GLDC: variants seen among roughly 807,000 people sequenced by gnomAD.
The protein encoded by GLDC is glycine decarboxylase, also known as glycine dehydrogenase (decarboxylating), mitochondrial.
A neutral mutation model predicts 121.3 loss-of-function variants in GLDC; 104 were observed. The ratio of observed to expected loss-of-function variants is 0.86; its 90% CI spans 0.73 to 1.01. The LOEUF (loss-of-function observed/expected upper bound fraction) is 1.01, where lower values mean the gene tolerates loss of function less well. Ranked by LOEUF, GLDC falls within the 50% of genes least tolerant of loss-of-function variation. The pLI is 0.00. For missense variants in GLDC, 1,429 were observed against 1,306.6 expected (o/e 1.09, Z -1.44); for synonymous variants, 546 against 480.6 (o/e 1.14, Z -1.78).
chr9:6,589,060 G>A (rs915484900), intron 12 of GLDC, 135 bp downstream of exon 12: 1 of 740,638 alleles, frequency 1.4e-6, no homozygotes, highest in Non-Finnish European at 2.5e-6. Flanking sequence ...ATCGTTATGA[G>A]GATGAAATAC....
At chr9:6,587,078 G>A in intron 15 of GLDC, 63 bp downstream of exon 15, 1 of 1,373,096 alleles carries the variant, frequency 7.3e-7, no homozygotes, top group Non-Finnish European at 1.0e-6. Flanking sequence ...AAGCCTTTAA[G>A]TTTTGTGGTG....
chr9:6,594,125 C>T (rs890817375), intron 9 of GLDC, among the ~76,000 whole-genome samples: 1 of 152,094 alleles, frequency 6.6e-6, no homozygotes, highest in African/African-American at 2.4e-5. Flanking sequence ...ATGTCTAGCT[C>T]ACTACATAGC....
chr9:6,622,625 C>T (rs1216357296), intron 2 of GLDC, among the ~76,000 whole-genome samples: 1 of 152,186 alleles, frequency 6.6e-6, no homozygotes, highest in South Asian at 2.1e-4. Context: ...GCCTTGGCCT[C>T]CCAAAGTGCC....
intron 22 of GLDC, 53 bp from the exon 23 acceptor site, chr9:6,536,289 G>C: frequency 6.7e-7 from 1 of 1,488,132 alleles, no homozygotes; most frequent in Admixed American, 1.8e-5. Flanking sequence ...GGCCTACCCA[G>C]TTTGGAAGAA....
chr9:6,599,275 T>A (rs1818551586), intron 8 of GLDC, among the ~76,000 whole-genome samples: 1 of 151,298 alleles, frequency 6.6e-6, no homozygotes. Flanking sequence ...GGCAGAAAAC[T>A]GAGGCCCTAA....
rs140047086 is a variant in GLDC, at chr9:6,533,611, A to C, written c.2920-451T>G. On this transcript the variant is annotated intron_variant, in intron 24 of 24. Transcript: ENST00000321612. ...CAGTGGCTCGTGCCTTTAATCCCAGAACTTTGGGAGGCCAAGGCAGGCAGA... is the reference window on the plus strand; with the variant it reads ...CAGTGGCTCGTGCCTTTAATCCCAGCACTTTGGGAGGCCAAGGCAGGCAGA... 8.4e-3 allele frequency among the ~76,000 whole-genome samples: 1,277 copies of C among 152,084 alleles called. 16 individuals are homozygous for C. Among genetic ancestry groups the C allele is most frequent in the African/African-American group, 0.029 (1,217 of 41,508 alleles).
intron 8 of GLDC, among the ~76,000 whole-genome samples, chr9:6,596,655 G>C (rs117031044): frequency 0.012 from 1,775 of 152,268 alleles, 23 homozygotes; most frequent in Non-Finnish European, 0.018. Flanking sequence ...AAAATCATTA[G>C]TTATTAGGGA....
At position 6,550,808 on chromosome 9, in the gene GLDC, G is replaced by A. The variant is rs764251972; in HGVS notation, c.2564C>T (p.Ala855Val). The A allele has an allele frequency of 1.1e-5, 17 of 1,601,656 alleles. No homozygotes were observed. Among genetic ancestry groups the A allele is most frequent in the Non-Finnish European group, 1.5e-5 (17 of 1,168,664 alleles). ...ETHYRILFRG[A>V]RGYVGHEFIL... ...AGATTAAAGTTGATACTTGCCTCTT[G>A]CACCCCTGAAAAGAATTCTGTAGTG... The change falls in exon 21 of 25, where the codon GCA becomes GTA. Residue 855 changes from alanine to valine, a missense_variant. Coordinates refer to ENST00000321612, the MANE Select transcript of GLDC (RefSeq NM_000170.3).
At chr9:6,618,084 C>G (rs1819001815) in intron 3 of GLDC, among the ~76,000 whole-genome samples, 1 of 152,176 alleles carries the variant, frequency 6.6e-6, no homozygotes, top group African/African-American at 2.4e-5. Flanking sequence ...TAAAAAATCA[C>G]CTAGGAATTA....
chr9:6,588,772 A>G (rs1410608067), intron 12 of GLDC, 70 bp from the exon 13 acceptor site: 3 of 907,426 alleles, frequency 3.3e-6, no homozygotes, highest in African/African-American at 1.6e-5. Flanking sequence ...CTCCTGACAT[A>G]TAAGACACAC....
intron 19 of GLDC, among the ~76,000 whole-genome samples, chr9:6,554,311 A>G (rs1817573331): frequency 1.3e-5 from 2 of 152,176 alleles, no homozygotes; most frequent in Admixed American, 1.3e-4. Flanking sequence ...AAAAGAAAAA[A>G]AAAATGCTAG....
chr9:6,629,829 G>C (rs1040950172), intron 2 of GLDC, among the ~76,000 whole-genome samples: 20 of 149,906 alleles, frequency 1.3e-4, no homozygotes, highest in African/African-American at 4.7e-4. Flanking sequence ...ATAATTATAT[G>C]TGCATCTGTT....
chr9:6,584,548 A>T (rs1258135525), intron 15 of GLDC, among the ~76,000 whole-genome samples: 3 of 142,042 alleles, frequency 2.1e-5, no homozygotes, highest in African/African-American at 4.9e-5. Flanking sequence ...AACAAGGTTA[A>T]AAAAATCACT....
intron 15 of GLDC, among the ~76,000 whole-genome samples, chr9:6,571,183 G>C (rs1013105521): frequency 6.6e-6 from 1 of 151,440 alleles, no homozygotes; most frequent in Admixed American, 6.6e-5. Flanking sequence ...AAAAAAAAAA[G>C]AAAGAAACTG....
intron 2 of GLDC, 68 bp from the exon 3 acceptor site, chr9:6,620,387 A>T: frequency 7.5e-7 from 1 of 1,337,678 alleles, no homozygotes. Context: ...TACAGTTTAA[A>T]TCCCTCATTT....
chr9:6,628,088 A>G (rs555575659), intron 2 of GLDC, among the ~76,000 whole-genome samples: 10 of 152,344 alleles, frequency 6.6e-5, no homozygotes, highest in South Asian at 4.1e-4. Context: ...TCTAAGTCCA[A>G]GTTAAGGGAC....
Position 6,554,199 on chromosome 9 carries a change from A to C in GLDC, c.2315+470T>G, listed in dbSNP as rs1238828272. 2.0e-5 allele frequency among the ~76,000 whole-genome samples: 3 copies of C among 152,280 alleles called. No homozygotes were observed. The East Asian group carries it at 5.8e-4, about 29-fold the overall frequency. On this transcript the variant is annotated intron_variant, in intron 19 of 24. Coordinates refer to ENST00000321612, the MANE Select transcript of GLDC (RefSeq NM_000170.3). ...TTCAGTCCTACTCTGGCTTCATCCA[A>C]TTATTTCTAGTAACCAGGTTTGTTT...
chr9:6,593,286 T>TATATATATATATATATATATAA (rs1333210071), intron 9 of GLDC, among the ~76,000 whole-genome samples: 14 of 150,602 alleles, frequency 9.3e-5, no homozygotes, highest in African/African-American at 2.7e-4. Context: ...TATATATATA[T>TATATATATATATATATATATAA]AAAATTATAC....
intron 5 of GLDC, among the ~76,000 whole-genome samples, 189 bp downstream of exon 5, chr9:6,606,403 C>G (rs1216147933): frequency 6.6e-6 from 1 of 151,676 alleles, no homozygotes; most frequent in African/African-American, 2.4e-5. Flanking sequence ...AATTCTGACA[C>G]AGTTTACTTA....
Sources: gnomAD v4.1 joint callset for allele counts (sites outside exome capture counted in the v4.1 genomes callset) on GRCh38, gnomAD v4.1.1 for gene constraint, MANE v1.5 for transcripts, NCBI Gene and HGNC (gene_info 2026-07-23, HGNC 2026-07-21) for gene names.